Variants in PRRC1 observed in about 807,000 individuals in gnomAD.
PRRC1 encodes proline rich coiled-coil 1, also known as protein PRRC1.
In PRRC1, 39 loss-of-function variants were observed where a neutral mutation model predicts 40.7. The ratio of observed to expected loss-of-function variants is 0.96; its 90% CI spans 0.74 to 1.25. The LOEUF (loss-of-function observed/expected upper bound fraction) is 1.25. Ranked by LOEUF, PRRC1 falls within the 50% of genes most tolerant of loss-of-function variation. PRRC1 has a pLI of 0.00. For synonymous variants in PRRC1, 175 were observed against 193.3 expected (o/e 0.91, Z 0.79); for missense variants, 573 against 548.3 (o/e 1.05, Z -0.45).
chr5:127,546,416 T>G (rs1220648667), intron 7 of PRRC1, among the ~76,000 whole-genome samples: 1 of 152,212 alleles, frequency 6.6e-6, no homozygotes, highest in Non-Finnish European at 1.5e-5. Context: ...CCTTTTTCCT[T>G]TTGGTTTGAA....
chr5:127,526,399 A>G (rs1424361079), intron 3 of PRRC1, among the ~76,000 whole-genome samples: 3 of 152,112 alleles, frequency 2.0e-5, no homozygotes, highest in African/African-American at 4.8e-5. Flanking sequence ...CTTTTTGTCC[A>G]TTTTCAGGAT....
intron 4 of PRRC1, among the ~76,000 whole-genome samples, chr5:127,527,912 C>G (rs993040847): frequency 3.9e-5 from 6 of 152,054 alleles, no homozygotes; most frequent in African/African-American, 1.2e-4. Context: ...GAGGTTTATA[C>G]CAAAATACAC....
intron 7 of PRRC1, among the ~76,000 whole-genome samples, chr5:127,545,491 A>G (rs568432375): frequency 7.9e-4 from 120 of 152,234 alleles, no homozygotes; most frequent in African/African-American, 2.2e-3. Context: ...TTGTAAGGAC[A>G]TGGATGAAAT....
intron 1 of PRRC1, among the ~76,000 whole-genome samples, chr5:127,520,807 A>G (rs1038001761): frequency 2.6e-5 from 4 of 152,214 alleles, no homozygotes; most frequent in Non-Finnish European, 5.9e-5. Flanking sequence ...ATGTAAAAAC[A>G]TGTGAAATAC....
chr5:127,545,562 C>T (rs1350945913), intron 7 of PRRC1, among the ~76,000 whole-genome samples: 1 of 146,294 alleles, frequency 6.8e-6, no homozygotes, highest in Admixed American at 7.1e-5. Context: ...CACATGTTCT[C>T]ACTCATAGGT....
At chr5:127,522,782 T>C (rs1352679239) in intron 1 of PRRC1, among the ~76,000 whole-genome samples, 3 of 151,932 alleles carry the variant, frequency 2.0e-5, no homozygotes, top group Non-Finnish European at 2.9e-5. Context: ...ATATTTTATT[T>C]ATTTATTTTT....
chr5:127,540,175 A>G (rs140785593), intron 7 of PRRC1, among the ~76,000 whole-genome samples: 12 of 152,130 alleles, frequency 7.9e-5, no homozygotes, highest in Admixed American at 2.0e-4. Flanking sequence ...CTAGGTTGAT[A>G]AGTTTCAACT....
At chr5:127,533,022 A>C (rs1013682019) in intron 5 of PRRC1, among the ~76,000 whole-genome samples, 2 of 152,138 alleles carry the variant, frequency 1.3e-5, no homozygotes, top group African/African-American at 4.8e-5. Context: ...AAATATTTGA[A>C]AATATTTTTA....
intron 7 of PRRC1, among the ~76,000 whole-genome samples, chr5:127,543,473 A>C (rs1768112569): frequency 6.6e-6 from 1 of 152,156 alleles, no homozygotes; most frequent in African/African-American, 2.4e-5. Flanking sequence ...AGTGTTTTCC[A>C]ACTTGGTTCC....
chr5:127,528,975 T>G (rs1767696256), intron 4 of PRRC1, among the ~76,000 whole-genome samples: 1 of 152,220 alleles, frequency 6.6e-6, no homozygotes, highest in Non-Finnish European at 1.5e-5. Flanking sequence ...TACTTTGTGT[T>G]CATTGTACTA....
intron 7 of PRRC1, among the ~76,000 whole-genome samples, chr5:127,546,609 A>T (rs1768231333): frequency 6.6e-6 from 1 of 152,176 alleles, no homozygotes; most frequent in Admixed American, 6.5e-5. Flanking sequence ...GTCTGAGCTG[A>T]GTCAAGTCTA....
At position 127,524,830 on chromosome 5, in the gene PRRC1, G is replaced by C. The variant is rs766276073; in HGVS notation, c.403G>C (p.Val135Leu). The C allele has an allele frequency of 3.1e-6, 5 of 1,614,120 alleles. No individual in the cohort carries two copies. The African/African-American group carries it at 5.3e-5, about 17-fold the overall frequency. The part of the protein sequence containing the change: ...PSGPPISGFS[V>L]GSTYDITRGH... ...GGGTCCTCCTATATCAGGATTTTCTGTTGGTTCAACTTATGACATTACAAG... is the reference window on the plus strand; with the variant it reads ...GGGTCCTCCTATATCAGGATTTTCTCTTGGTTCAACTTATGACATTACAAG... The change falls in exon 3 of 9, where the codon GTT (valine) becomes CTT (leucine). Residue 135 changes from valine (V) to leucine (L), a missense_variant. Val to Leu is a conservative substitution (Grantham distance 32, BLOSUM62 1). Coordinates refer to ENST00000296666, the MANE Select transcript of PRRC1 (RefSeq NM_130809.5).
At position 127,524,906 on chromosome 5, in the gene PRRC1, C is replaced by A; in HGVS notation, c.479C>A (p.Ala160Glu). Residue 160 changes from alanine to glutamate, a missense_variant, in exon 3 of 9, where the codon GCA becomes GAA. By Grantham distance (107) the Ala-to-Glu change is moderately radical (BLOSUM62 -1). Coordinates refer to ENST00000296666, the MANE Select transcript of PRRC1 (RefSeq NM_130809.5). ...PQTPLMPSFS[A>E]PSGTGLLPTP... ...ACACCCCTGATGCCATCATTTTCTG[C>A]ACCTTCAGGAACAGGTAATTCTTTC... 6.2e-7 allele frequency: 1 copy of A among 1,603,782 alleles called. No homozygotes were observed. Among genetic ancestry groups the A allele is most frequent in the East Asian group, 2.2e-5 (1 of 44,696 alleles).
Position 127,553,863 on chromosome 5 carries a change from T to G in PRRC1, c.*1947T>G. 6.5e-7 allele frequency: 1 copy of G among 1,535,784 alleles called. No individual in the cohort carries two copies. The highest frequency in any genetic ancestry group is 8.7e-7 in the Non-Finnish European group (1 of 1,146,648). On this transcript the variant is annotated 3_prime_UTR_variant, in exon 9 of 9. Transcript: ENST00000296666. ...ATGGCTTGGTTGAAGCTAGAAATTT[T>G]CCTGCCCCTGGTGACCTGGTAAGCC...
rs1314010064 is a variant in PRRC1, at chr5:127,552,019, G to GT, written c.*108dup. The GT allele has an allele frequency of 6.7e-7, 1 of 1,501,582 alleles. No homozygotes were observed. Among genetic ancestry groups the GT allele is most frequent in the Non-Finnish European group, 8.9e-7 (1 of 1,122,846 alleles). The allele number at this position is 1,501,582 out of a possible 1,614,324, so 93.0% of individuals were successfully genotyped here. ...TCGAATAGTCTAAATGAATCCAGTAGTTTTTATCATTTTCCTGTAGCCTGC... is the reference window on the plus strand; with the variant it reads ...TCGAATAGTCTAAATGAATCCAGTAGTTTTTTATCATTTTCCTGTAGCCTGC... On this transcript the variant is annotated 3_prime_UTR_variant, in exon 9 of 9. Coordinates refer to ENST00000296666, the MANE Select transcript of PRRC1 (RefSeq NM_130809.5).
chr5:127,545,971 AT>A lies in PRRC1; in HGVS notation c.1026-1846del, dbSNP rs1338403521. On this transcript the variant is annotated intron_variant, in intron 7 of 8. Transcript: ENST00000296666. ...TTTTGTGGATTCGCTGAGCTTCTTG[AT>A]TCTGTGGATTAATATCTTCAGTTTT... is the stretch of plus-strand genomic sequence containing the variant. 1.1e-4 allele frequency among the ~76,000 whole-genome samples: 16 copies of A among 151,410 alleles called. No individual in the cohort carries two copies. The East Asian group carries it at 2.9e-3, about 28-fold the overall frequency.
chr5:127,523,491 G>C lies in PRRC1; in HGVS notation c.12G>C (p.Glu4Asp). 4 of 1,601,376 alleles carry C rather than the reference G, an allele frequency of 2.5e-6. No homozygotes were observed. Among genetic ancestry groups the C allele is most frequent in the Non-Finnish European group, 2.6e-6 (3 of 1,175,402 alleles). ...ATAATTGAAGAAAAATGATGGAAGA[G>C]AGTGGAATAGAGACAACACCACCTG... MME[E>D]SGIETTPPGT... Residue 4 changes from glutamate to aspartate, a missense_variant, in exon 2 of 9, where the codon GAG becomes GAC. Transcript: ENST00000296666.
At chr5:127,521,689 G>C (rs1356607005) in intron 1 of PRRC1, among the ~76,000 whole-genome samples, 3 of 152,118 alleles carry the variant, frequency 2.0e-5, no homozygotes, top group African/African-American at 7.2e-5. Context: ...TGGTTTATGA[G>C]GCTGAACACC....
In PRRC1 at chr5:127,527,730, T is replaced by C. The variant is rs1450330186; in HGVS notation, c.654+952T>C. ...CTGTGATCATGATACTACATTCCAG[T>C]CTAAGTGACAGAGTGAGACACTGTC... On this transcript the variant is annotated intron_variant, in intron 4 of 8. Transcript: ENST00000296666. Among the ~76,000 whole-genome samples the C allele has an allele frequency of 2.3e-5, 3 of 133,122 alleles. No homozygotes were observed. The East Asian group carries it at 6.9e-4, about 31-fold the overall frequency. The allele number at this position is 133,122 out of a possible 152,430, so 87.3% of individuals were successfully genotyped here.
Sources: allele counts gnomAD v4.1 joint callset (sites outside exome capture counted in the v4.1 genomes callset), GRCh38; gene constraint gnomAD v4.1.1; transcripts MANE v1.5; gene names NCBI Gene and HGNC (gene_info 2026-07-23, HGNC 2026-07-21).